ARHGEF11: variants seen among roughly 807,000 people sequenced by gnomAD.
The protein encoded by ARHGEF11 is Rho guanine exchange factor (GEF) 11.
A neutral mutation model predicts 193.7 loss-of-function variants in ARHGEF11; 55 were observed. The ratio of observed to expected loss-of-function variants is 0.28; its 90% CI spans 0.23 to 0.36. The LOEUF (loss-of-function observed/expected upper bound fraction) is 0.36. Among genes scored for constraint, ARHGEF11 ranks in the 10% least tolerant of loss-of-function variants. The pLI is 1.00. For missense variants in ARHGEF11, 1,723 were observed against 2,005.6 expected (o/e 0.86, Z 2.69); for synonymous variants, 693 against 768.0 (o/e 0.90, Z 1.62).
intron 21 of ARHGEF11, among the ~76,000 whole-genome samples, chr1:156,952,838 G>A (rs1055436055): frequency 6.6e-6 from 1 of 152,242 alleles, no homozygotes; most frequent in Non-Finnish European, 1.5e-5. Flanking sequence ...GAGCAGATCT[G>A]CCTGTCCCAG....
At chr1:156,967,287 T>TA (rs1661799141) in intron 11 of ARHGEF11, among the ~76,000 whole-genome samples, 1 of 152,210 alleles carries the variant, frequency 6.6e-6, no homozygotes, top group Non-Finnish European at 1.5e-5. Context: ...GTTGAATATT[T>TA]AGATGTCTAA....
intron 1 of ARHGEF11, among the ~76,000 whole-genome samples, chr1:157,008,535 T>C (rs966329100): frequency 2.0e-5 from 3 of 152,172 alleles, no homozygotes; most frequent in African/African-American, 7.2e-5. Context: ...CTTAGATTTG[T>C]AGCCTCCAGA....
At chr1:156,967,534 G>A (rs938064314) in intron 11 of ARHGEF11, among the ~76,000 whole-genome samples, 1 of 152,160 alleles carries the variant, frequency 6.6e-6, no homozygotes, top group African/African-American at 2.4e-5. Context: ...TTGAGGGCAG[G>A]GGGAGGTTGA....
chr1:156,992,272 A>G (rs756704147), intron 1 of ARHGEF11, among the ~76,000 whole-genome samples: 19 of 152,258 alleles, frequency 1.2e-4, no homozygotes, highest in South Asian at 1.0e-3. Flanking sequence ...TTCACTTACA[A>G]TATCTGTAGA....
intron 1 of ARHGEF11, among the ~76,000 whole-genome samples, chr1:156,996,493 G>A (rs1405964907): frequency 6.6e-6 from 1 of 152,010 alleles, no homozygotes; most frequent in Non-Finnish European, 1.5e-5. Context: ...GGGAGAAAAG[G>A]GGATGGATCT....
At chr1:157,020,125 G>GAAA (rs200320955) in intron 1 of ARHGEF11, among the ~76,000 whole-genome samples, 3 of 136,822 alleles carry the variant, frequency 2.2e-5, no homozygotes, top group African/African-American at 8.2e-5. Context: ...CTCTGTCTCA[G>GAAA]AAAAAAAAAA....
intron 1 of ARHGEF11, among the ~76,000 whole-genome samples, chr1:157,029,284 T>TG (rs1671022804): frequency 6.6e-6 from 1 of 151,316 alleles, no homozygotes; most frequent in Non-Finnish European, 1.5e-5. Context: ...TTGTTGTTGT[T>TG]TTTGAGACAG....
At chr1:156,968,163 C>G (rs769118901) in intron 10 of ARHGEF11, 39 bp from the exon 11 acceptor site, 4 of 1,582,344 alleles carry the variant, frequency 2.5e-6, no homozygotes, top group Non-Finnish European at 3.4e-6. Flanking sequence ...GAACCTTGTC[C>G]GGAAGACCCT....
chr1:156,962,771 CG>C (rs1661097550), intron 13 of ARHGEF11, among the ~76,000 whole-genome samples: 1 of 145,244 alleles, frequency 6.9e-6, no homozygotes, highest in East Asian at 2.1e-4. Context: ...CCCAGCTACT[CG>C]GGGGGCTGAG....
At chr1:156,996,482 T>C (rs761121652) in intron 1 of ARHGEF11, among the ~76,000 whole-genome samples, 1 of 151,748 alleles carries the variant, frequency 6.6e-6, no homozygotes, top group Non-Finnish European at 1.5e-5. Context: ...CAATGCAATA[T>C]GGGAGAAAAG....
chr1:156,960,466 A>G lies in ARHGEF11; in HGVS notation c.1240-6T>C. 3 of 1,614,114 alleles carry G rather than the reference A, an allele frequency of 1.9e-6. 1 individual carries two copies. Among genetic ancestry groups the G allele is most frequent in the Middle Eastern group, 3.3e-4 (2 of 6,062 alleles). ...GGGATCTTCACTCTCAGAGGCTAAA[A>G]AACAGAAGTGTGGAGCAGAAGCAGT... On this transcript the variant is annotated splice_polypyrimidine_tract_variant and splice_region_variant and intron_variant, in intron 14 of 40. Coordinates refer to ENST00000368194, the MANE Select transcript of ARHGEF11 (RefSeq NM_198236.3).
rs1277635231 is a variant in ARHGEF11 at position 156,969,142 on chromosome 1, A to C, written c.825+140T>G. ...AAATTTCTGCTTTGGAACCCAGAGCACAGTGATTATATCCTTGGAACTAGA... is the reference window on the plus strand; with the variant it reads ...AAATTTCTGCTTTGGAACCCAGAGCCCAGTGATTATATCCTTGGAACTAGA... On this transcript the variant is annotated intron_variant, in intron 10 of 40. Transcript: ENST00000368194. 4.5e-6 allele frequency: 3 copies of C among 668,878 alleles called. No individual in the cohort carries two copies. In the East Asian group the frequency reaches 8.3e-5, roughly 18 times the overall value. 41.4% of individuals were successfully genotyped at this position (668,878 alleles called of 1,614,324 possible). A position where few individuals can be genotyped will look rare whatever the true frequency, so the allele number is the denominator to read the frequency against.
chr1:156,983,450 C>T (rs910507494), intron 3 of ARHGEF11, among the ~76,000 whole-genome samples: 3 of 152,204 alleles, frequency 2.0e-5, no homozygotes, highest in African/African-American at 7.2e-5. Flanking sequence ...TCTCGATCTC[C>T]TGACCTCGTG....
At chr1:157,004,960 T>A (rs1458525764) in intron 1 of ARHGEF11, among the ~76,000 whole-genome samples, 3 of 152,246 alleles carry the variant, frequency 2.0e-5, no homozygotes, top group Non-Finnish European at 4.4e-5. Flanking sequence ...TCTAGGACTC[T>A]AACTCTTACT....
rs1292795539 is a variant in ARHGEF11, at chr1:156,936,850, C to G, written c.4596G>C (p.Arg1532Ser). 6 of 1,613,962 alleles carry G rather than the reference C, an allele frequency of 3.7e-6. No homozygotes were observed. Among genetic ancestry groups the G allele is most frequent in the Non-Finnish European group, 5.1e-6 (6 of 1,180,014 alleles). Residue 1532 changes from arginine to serine, a missense_variant, in exon 40 of 41, where the codon AGG becomes AGC. Arg to Ser is a moderately radical substitution (Grantham distance 110). Transcript: ENST00000368194. ...PAKEPLASDS[R>S]NSHELGPCPE... ...GGCAGGGCCCCAGTTCATGGCTGTT[C>G]CTGGAGTCAGAAGCTAGGGGCTCCT...
chr1:157,010,668 A>C (rs547743746), intron 1 of ARHGEF11, among the ~76,000 whole-genome samples: 10 of 152,294 alleles, frequency 6.6e-5, no homozygotes, highest in African/African-American at 2.4e-4. Flanking sequence ...TCAGCCTCCC[A>C]AAGTGCTGGG....
intron 40 of ARHGEF11, among the ~76,000 whole-genome samples, chr1:156,936,500 ATATATATAT>A (rs1557807604): frequency 9.9e-6 from 1 of 101,476 alleles, no homozygotes; most frequent in African/African-American, 5.1e-5. Context: ...AAAAAAAAAT[ATATATATAT>A]ATATATATAT....
In ARHGEF11 at chr1:156,958,843, C is replaced by A; in HGVS notation, c.1401G>T (p.Leu467=). ...GGTCATTTTCACCATACAGGCTGCC[C>A]AGCCCCAGTGTGCGCTTCGTTCTAA... ...HDYRTKRTLG[L]GSLYGENDLL... The change falls in exon 17 of 41, where the codon CTG becomes CTT. Residue 467 remains leucine (L), a synonymous_variant. Coordinates refer to ENST00000368194, the MANE Select transcript of ARHGEF11 (RefSeq NM_198236.3). 2 of 1,614,194 alleles carry A rather than the reference C, an allele frequency of 1.2e-6. No homozygotes were observed. Among genetic ancestry groups the A allele is most frequent in the South Asian group, 1.1e-5 (1 of 91,072 alleles).
At chr1:157,025,271 G>A (rs1670507934) in intron 1 of ARHGEF11, among the ~76,000 whole-genome samples, 1 of 152,176 alleles carries the variant, frequency 6.6e-6, no homozygotes, top group Non-Finnish European at 1.5e-5. Flanking sequence ...GTCTTTTGCA[G>A]GTGCCTTTCC....
Sources: gnomAD v4.1 joint callset for allele counts (sites outside exome capture counted in the v4.1 genomes callset) on GRCh38, gnomAD v4.1.1 for gene constraint, MANE v1.5 for transcripts, NCBI Gene and HGNC (gene_info 2026-07-23, HGNC 2026-07-21) for gene names.